Variants in SPOCK3 observed in about 807,000 individuals in gnomAD.
The protein encoded by SPOCK3 is SPARC (osteonectin), cwcv and kazal like domains proteoglycan 3.
SPOCK3 carries 30 observed loss-of-function variants against 56.6 expected under a neutral mutation model. That is an observed-to-expected ratio of 0.53 (90% CI 0.40 to 0.72). The LOEUF (loss-of-function observed/expected upper bound fraction) is 0.72. SPOCK3 is among the 30% of genes least tolerant of loss of function. The pLI is 0.00. For synonymous variants in SPOCK3, 196 were observed against 183.3 expected, an observed-to-expected ratio of 1.07 and a Z score of -0.56; for missense variants, 527 against 530.0, an observed-to-expected ratio of 0.99 and a Z score of 0.06.
At chr4:167,020,154 T>C (rs1751030703) in intron 3 of SPOCK3, among the ~76,000 whole-genome samples, 2 of 152,204 alleles carry the variant, frequency 1.3e-5, no homozygotes, top group Non-Finnish European at 2.9e-5. Flanking sequence ...AAAAGAAATC[T>C]AAAATGTGTG....
At chr4:167,003,100 A>G (rs890408377) in intron 3 of SPOCK3, among the ~76,000 whole-genome samples, 3 of 151,402 alleles carry the variant, frequency 2.0e-5, no homozygotes, top group African/African-American at 7.3e-5. Flanking sequence ...TTTACCTTAT[A>G]AAATCTGCAT....
chr4:166,963,486 G>A (rs777243666), intron 4 of SPOCK3, among the ~76,000 whole-genome samples: 1 of 150,796 alleles, frequency 6.6e-6, no homozygotes, highest in South Asian at 2.1e-4. Flanking sequence ...TATATTCAAT[G>A]ATTTAGTGTT....
chr4:167,221,925 T>A (rs1186319249), intron 2 of SPOCK3, among the ~76,000 whole-genome samples: 1 of 152,074 alleles, frequency 6.6e-6, no homozygotes, highest in Non-Finnish European at 1.5e-5. Context: ...AAAAACAAAA[T>A]TATCAGATGA....
At chr4:166,832,773 C>T (rs960158536) in intron 6 of SPOCK3, among the ~76,000 whole-genome samples, 13 of 152,096 alleles carry the variant, frequency 8.5e-5, no homozygotes, top group African/African-American at 2.9e-4. Context: ...CAGCTAGGGG[C>T]TATTATCCTA....
At chr4:166,737,382 T>A in intron 10 of SPOCK3, 85 bp downstream of exon 10, 12 of 1,433,444 alleles carry the variant, frequency 8.4e-6, no homozygotes, top group Non-Finnish European at 1.1e-5. Flanking sequence ...TAAGTCCTCA[T>A]TAAATGCTTG....
rs749903659 is a variant in SPOCK3, at chr4:167,062,541, A to T, written c.190-4T>A. The T allele has an allele frequency of 6.2e-7, 1 of 1,602,880 alleles. No homozygotes were observed. The highest frequency in any genetic ancestry group is 2.2e-5 in the East Asian group (1 of 44,694). On this transcript the variant is annotated splice_region_variant and splice_polypyrimidine_tract_variant and intron_variant, in intron 2 of 10. Transcript: ENST00000357545. ...TCCAAGTGCGGAAATAATCATCCTA[A>T]GGGGGAAAATAATGTGAATTGAGTG...
At chr4:167,051,107 T>C (rs1324877321) in intron 3 of SPOCK3, among the ~76,000 whole-genome samples, 2 of 152,130 alleles carry the variant, frequency 1.3e-5, no homozygotes, top group Non-Finnish European at 2.9e-5. Context: ...TTTACTGTAA[T>C]TTTTTAAAAA....
chr4:166,936,967 G>A (rs1740472476), intron 4 of SPOCK3, among the ~76,000 whole-genome samples: 1 of 151,658 alleles, frequency 6.6e-6, no homozygotes. Context: ...CTTTTTCTTT[G>A]ATAATGGGTT....
At chr4:166,798,276 C>T (rs993683670) in intron 6 of SPOCK3, among the ~76,000 whole-genome samples, 13 of 152,194 alleles carry the variant, frequency 8.5e-5, no homozygotes, top group African/African-American at 2.7e-4. Context: ...AAGCCTCACA[C>T]ATCTCGTGTT....
chr4:166,783,634 T>C (rs1740416597), intron 7 of SPOCK3, among the ~76,000 whole-genome samples: 1 of 152,166 alleles, frequency 6.6e-6, no homozygotes, highest in Non-Finnish European at 1.5e-5. Context: ...GGAATCATCA[T>C]AAAATTAATG....
In SPOCK3 at chr4:167,221,883, C is replaced by T. The variant is rs188928073; in HGVS notation, c.189+12102G>A. On this transcript the variant is annotated intron_variant, in intron 2 of 10. Coordinates refer to ENST00000357545, the MANE Select transcript of SPOCK3 (RefSeq NM_001040159.2). ...GGACTGTAAAACAGCGTAACCACCA[C>T]GGAAAACAGTATGGCAGTTCCTAAA... is the stretch of plus-strand genomic sequence containing the variant. Among the ~76,000 whole-genome samples, 10 of 152,184 alleles carry T rather than the reference C, an allele frequency of 6.6e-5. No individual in the cohort carries two copies. The East Asian group carries it at 9.7e-4, about 15-fold the overall frequency.
chr4:166,969,338 C>T (rs1158940490), intron 4 of SPOCK3, among the ~76,000 whole-genome samples: 1 of 152,056 alleles, frequency 6.6e-6, no homozygotes, highest in African/African-American at 2.4e-5. Flanking sequence ...TGGAATGATA[C>T]ACTTTGGCTC....
chr4:166,745,768 G>T (rs897728425), intron 8 of SPOCK3, among the ~76,000 whole-genome samples: 5 of 152,104 alleles, frequency 3.3e-5, no homozygotes, highest in African/African-American at 1.2e-4. Flanking sequence ...GACACACATA[G>T]GCTCAAAATA....
intron 3 of SPOCK3, among the ~76,000 whole-genome samples, chr4:167,029,565 T>C (rs1193485477): frequency 6.6e-6 from 1 of 152,140 alleles, no homozygotes. Flanking sequence ...GAATTGTAGA[T>C]TGTAATTTAC....
At chr4:167,230,903 T>G (rs943016320) in intron 2 of SPOCK3, among the ~76,000 whole-genome samples, 4 of 152,108 alleles carry the variant, frequency 2.6e-5, no homozygotes, top group Non-Finnish European at 5.9e-5. Context: ...TACTTGAGGT[T>G]TCTCCTGTGT....
intron 3 of SPOCK3, among the ~76,000 whole-genome samples, chr4:167,033,322 A>G (rs903762458): frequency 6.6e-6 from 1 of 150,620 alleles, no homozygotes; most frequent in Non-Finnish European, 1.5e-5. Context: ...ATTCTGGGGT[A>G]AAACAATTTA....
At chr4:166,832,615 A>C (rs2126799882) in intron 6 of SPOCK3, among the ~76,000 whole-genome samples, 1 of 152,328 alleles carries the variant, frequency 6.6e-6, no homozygotes, top group African/African-American at 2.4e-5. Context: ...ACGTATATTC[A>C]ATGCAGTACT....
intron 2 of SPOCK3, among the ~76,000 whole-genome samples, chr4:167,132,479 A>G (rs1762781466): frequency 6.6e-6 from 1 of 152,234 alleles, no homozygotes; most frequent in African/African-American, 2.4e-5. Flanking sequence ...TATGAAATAG[A>G]TAACTATCAA....
At chr4:166,950,749 T>C (rs1376862676) in intron 4 of SPOCK3, among the ~76,000 whole-genome samples, 1 of 149,886 alleles carries the variant, frequency 6.7e-6, no homozygotes, top group East Asian at 1.9e-4. Context: ...CAGACCACAG[T>C]GCAATCAAAC....
Sources: allele counts gnomAD v4.1 joint callset (sites outside exome capture counted in the v4.1 genomes callset), GRCh38; gene constraint gnomAD v4.1.1; transcripts MANE v1.5; gene names NCBI Gene and HGNC (gene_info 2026-07-23, HGNC 2026-07-21).